Variants in CDH13 observed in about 807,000 individuals in gnomAD.
CDH13 encodes the protein cadherin 13.
A neutral mutation model predicts 63.8 loss-of-function variants in CDH13; 24 were observed. The ratio of observed to expected loss-of-function variants is 0.38; its 90% CI spans 0.27 to 0.53. CDH13 has a LOEUF of 0.53. CDH13 is among the 20% of genes least tolerant of loss of function. The probability of loss-of-function intolerance (pLI) is 0.85; values close to 1 mark genes in which losing one functional copy is unlikely to be tolerated. For synonymous variants in CDH13, 503 were observed against 355.3 expected (o/e 1.42, Z -4.67); for missense variants, 1,049 against 903.1 (o/e 1.16, Z -2.07).
At chr16:82,651,804 T>A (rs1213079891) in intron 1 of CDH13, among the ~76,000 whole-genome samples, 1 of 152,176 alleles carries the variant, frequency 6.6e-6, no homozygotes, top group Non-Finnish European at 1.5e-5. Flanking sequence ...CAATGACAAG[T>A]GATTTTTCCA....
At chr16:83,391,226 A>G (rs191655576) in intron 6 of CDH13, among the ~76,000 whole-genome samples, 8 of 139,470 alleles carry the variant, frequency 5.7e-5, no homozygotes, top group Admixed American at 2.1e-4. Context: ...TTTTTTTTTG[A>G]GACAGCGTCT....
intron 7 of CDH13, among the ~76,000 whole-genome samples, chr16:83,561,423 T>A (rs978529335): frequency 2.9e-5 from 1 of 34,532 alleles, no homozygotes; most frequent in African/African-American, 1.3e-4. Context: ...GGAAACACCA[T>A]CTCAAAAAAA....
At chr16:83,768,434 C>T (rs982616407) in intron 11 of CDH13, among the ~76,000 whole-genome samples, 7 of 152,152 alleles carry the variant, frequency 4.6e-5, no homozygotes, top group African/African-American at 1.4e-4. Context: ...TATGCCATGA[C>T]ACCAGGTTGC....
chr16:83,227,011 G>C (rs998401704), intron 5 of CDH13, among the ~76,000 whole-genome samples: 1 of 152,236 alleles, frequency 6.6e-6, no homozygotes, highest in Non-Finnish European at 1.5e-5. Context: ...CGAAAGAGGG[G>C]ATACGGACAG....
chr16:83,556,832 C>T (rs1326438705), intron 7 of CDH13, among the ~76,000 whole-genome samples: 1 of 152,254 alleles, frequency 6.6e-6, no homozygotes, highest in Non-Finnish European at 1.5e-5. Context: ...TCAGCTGATG[C>T]CAGGGAACTT....
intron 10 of CDH13, among the ~76,000 whole-genome samples, chr16:83,693,051 C>G (rs1905061021): frequency 6.6e-6 from 1 of 152,182 alleles, no homozygotes; most frequent in Non-Finnish European, 1.5e-5. Flanking sequence ...CCACTACACT[C>G]CAGCCTGGGT....
At chr16:83,053,740 A>G (rs1056837255) in intron 3 of CDH13, among the ~76,000 whole-genome samples, 1 of 152,200 alleles carries the variant, frequency 6.6e-6, no homozygotes, top group East Asian at 1.9e-4. Context: ...AGAACGCTAT[A>G]TCATATTTAT....
intron 2 of CDH13, among the ~76,000 whole-genome samples, chr16:83,025,783 A>G (rs183021767): frequency 6.6e-6 from 1 of 152,310 alleles, no homozygotes; most frequent in East Asian, 1.9e-4. Context: ...ACTCTTTTCC[A>G]GGAATGGCTG....
chr16:83,393,368 G>C (rs1380051770), intron 6 of CDH13, among the ~76,000 whole-genome samples: 1 of 152,176 alleles, frequency 6.6e-6, no homozygotes, highest in Non-Finnish European at 1.5e-5. Flanking sequence ...ATACATGCTT[G>C]TTTATGATGA....
intron 1 of CDH13, among the ~76,000 whole-genome samples, chr16:82,670,669 G>T (rs897379151): frequency 6.6e-6 from 1 of 152,202 alleles, no homozygotes; most frequent in Non-Finnish European, 1.5e-5. Context: ...ATATAGACTG[G>T]CACGTAATTT....
intron 1 of CDH13, among the ~76,000 whole-genome samples, chr16:82,762,847 G>C (rs939304898): frequency 1.1e-4 from 17 of 152,146 alleles, no homozygotes; most frequent in Non-Finnish European, 1.5e-5. Flanking sequence ...TGCCAGGGGT[G>C]GTTTGGGTGG....
chr16:83,049,184 A>T (rs1451793144), intron 3 of CDH13, among the ~76,000 whole-genome samples: 2 of 152,026 alleles, frequency 1.3e-5, no homozygotes, highest in African/African-American at 4.8e-5. Context: ...TCTAGTTCCA[A>T]AATGGTTCTG....
chr16:83,081,701 GAGAGAAAGAGAGAGAGAGAA>G (rs2033262772), intron 3 of CDH13, among the ~76,000 whole-genome samples: 3 of 152,016 alleles, frequency 2.0e-5, no homozygotes, highest in Admixed American at 2.0e-4. Context: ...GAGAGAGAGA[GAGAGAAAGAGAGAGAGAGAA>G]AGAGCTCGCA....
chr16:83,073,508 C>A (rs1046348491), intron 3 of CDH13, among the ~76,000 whole-genome samples: 1 of 152,014 alleles, frequency 6.6e-6, no homozygotes, highest in African/African-American at 2.4e-5. Context: ...GGCATTCACA[C>A]ACATGGCGAT....
At chr16:83,034,488 TG>T (rs1245124519) in intron 3 of CDH13, among the ~76,000 whole-genome samples, 2 of 152,224 alleles carry the variant, frequency 1.3e-5, no homozygotes, top group Non-Finnish European at 2.9e-5. Context: ...TACTTAGCCA[TG>T]ACCAATGGTC....
chr16:83,342,843 G>GTTTTTTTTTTTTTTTTTTTTTTT (rs778316746), intron 5 of CDH13, among the ~76,000 whole-genome samples: 8 of 65,300 alleles, frequency 1.2e-4, no homozygotes, highest in African/African-American at 2.6e-4. Flanking sequence ...TTTTGTTTCT[G>GTTTTTTTTTTTTTTTTTTTTTTT]TTTTTTTTTT....
At chr16:83,334,795 G>T (rs10514577) in intron 5 of CDH13, among the ~76,000 whole-genome samples, 1 of 152,026 alleles carries the variant, frequency 6.6e-6, no homozygotes, top group East Asian at 1.9e-4. Context: ...TTATCAGTAT[G>T]TCTTTGTTTA....
chr16:82,638,817 A>AGTGTGTGC (rs920421856), intron 1 of CDH13, among the ~76,000 whole-genome samples: 1 of 52,488 alleles, frequency 1.9e-5, no homozygotes, highest in African/African-American at 5.3e-5. Flanking sequence ...TTATTAGGGC[A>AGTGTGTGC]GTGTGTGCGT....
intron 1 of CDH13, among the ~76,000 whole-genome samples, chr16:82,656,575 C>A (rs958186264): frequency 2.6e-5 from 4 of 152,080 alleles, no homozygotes; most frequent in Non-Finnish European, 1.5e-5. Flanking sequence ...TACATTGACA[C>A]ATCATTATCA....
Sources: gnomAD v4.1 joint callset for allele counts (sites outside exome capture counted in the v4.1 genomes callset) on GRCh38, gnomAD v4.1.1 for gene constraint, MANE v1.5 for transcripts, NCBI Gene and HGNC (gene_info 2026-07-23, HGNC 2026-07-21) for gene names.